The following TP63 variants were observed in gnomAD, a reference collection of about 807,000 sequenced individuals.
The protein encoded by TP63 is tumor protein p63.
In TP63, 17 loss-of-function variants were observed where a neutral mutation model predicts 82.8. That is an observed-to-expected ratio of 0.21 (90% CI 0.14 to 0.31). The LOEUF (loss-of-function observed/expected upper bound fraction) is 0.31, where lower values mean the gene tolerates loss of function less well. Ranked by LOEUF, TP63 falls within the 10% of genes least tolerant of loss-of-function variation. The pLI is 1.00. For synonymous variants in TP63, 330 were observed against 321.7 expected (o/e 1.03, Z -0.28); for missense variants, 648 against 895.3 (o/e 0.72, Z 3.52).
chr3:189,759,332 A>G (rs895500867), intron 3 of TP63, among the ~76,000 whole-genome samples: 7 of 152,150 alleles, frequency 4.6e-5, no homozygotes, highest in African/African-American at 1.7e-4. Flanking sequence ...CAATCAAGTG[A>G]TTTAGTATAT....
chr3:189,801,213 G>A (rs1726272732), intron 3 of TP63, among the ~76,000 whole-genome samples: 1 of 152,170 alleles, frequency 6.6e-6, no homozygotes, highest in South Asian at 2.1e-4. Context: ...TTATTACTAT[G>A]TACTTTCTTC....
chr3:189,685,212 G>A (rs755480184), intron 1 of TP63, among the ~76,000 whole-genome samples: 18 of 152,178 alleles, frequency 1.2e-4, no homozygotes, highest in Non-Finnish European at 1.5e-4. Context: ...GCAAGGTGGT[G>A]GCAGGAGATG....
chr3:189,759,316 G>C (rs1722401432), intron 3 of TP63, among the ~76,000 whole-genome samples: 1 of 152,208 alleles, frequency 6.6e-6, no homozygotes, highest in Admixed American at 6.5e-5. Context: ...TTGAGAACCA[G>C]TGGTACAATC....
chr3:189,766,051 G>A (rs1477607148), intron 3 of TP63, among the ~76,000 whole-genome samples: 1 of 152,076 alleles, frequency 6.6e-6, no homozygotes. Flanking sequence ...AAGAAACATT[G>A]GTGCACAGGT....
chr3:189,681,197 C>G (rs1420234825), intron 1 of TP63, among the ~76,000 whole-genome samples: 1 of 147,600 alleles, frequency 6.8e-6, no homozygotes, highest in African/African-American at 2.4e-5. Flanking sequence ...TGAATAGTCA[C>G]TTATGTATCT....
At chr3:189,788,937 T>TAAA (rs34829028) in intron 3 of TP63, among the ~76,000 whole-genome samples, 1 of 143,084 alleles carries the variant, frequency 7.0e-6, no homozygotes, top group African/African-American at 2.6e-5. Context: ...AGCGTTTTGT[T>TAAA]AAAAAAAAAA....
intron 1 of TP63, among the ~76,000 whole-genome samples, chr3:189,662,832 A>G (rs777632057): frequency 1.7e-4 from 26 of 152,046 alleles, no homozygotes; most frequent in Admixed American, 1.7e-3. Flanking sequence ...TTGTGGATAT[A>G]TGTTACAGTT....
At chr3:189,605,493 T>C in the TP63 span, among the ~76,000 whole-genome samples, 2 of 152,234 alleles carry the variant, frequency 1.3e-5, no homozygotes, top group Non-Finnish European at 2.9e-5. Context: ...AACTGTGGAA[T>C]TTACATTGCA....
chr3:189,603,279 C>T, the TP63 span, among the ~76,000 whole-genome samples: 2 of 152,088 alleles, frequency 1.3e-5, no homozygotes, highest in Non-Finnish European at 2.9e-5. Context: ...CTTATATGTG[C>T]CCAGGCCAGT....
chr3:189,724,516 A>AT (rs1234088684), intron 1 of TP63, among the ~76,000 whole-genome samples: 1 of 152,102 alleles, frequency 6.6e-6, no homozygotes. Context: ...CCATTGTGTC[A>AT]TTCTTCTGCC....
chr3:189,766,711 A>T (rs898205227), intron 3 of TP63, among the ~76,000 whole-genome samples: 3 of 152,088 alleles, frequency 2.0e-5, no homozygotes, highest in East Asian at 1.9e-4. Flanking sequence ...AATCATGTTT[A>T]AAAAAAATAC....
At chr3:189,632,773 G>A (rs1437058630) in intron 1 of TP63, among the ~76,000 whole-genome samples, 1 of 152,054 alleles carries the variant, frequency 6.6e-6, no homozygotes, top group African/African-American at 2.4e-5. Context: ...TAGGATTTAT[G>A]TTCTTGTATA....
intron 1 of TP63, among the ~76,000 whole-genome samples, chr3:189,666,732 G>T (rs1280100676): frequency 3.3e-5 from 5 of 152,092 alleles, no homozygotes; most frequent in Non-Finnish European, 5.9e-5. Context: ...GCAGTTTCTT[G>T]GAAGAAGTGA....
chr3:189,665,415 A>G (rs1475038238), intron 1 of TP63, among the ~76,000 whole-genome samples: 1 of 152,106 alleles, frequency 6.6e-6, no homozygotes, highest in Non-Finnish European at 1.5e-5. Flanking sequence ...CTGATAAGCT[A>G]CTTTTTGTCA....
chr3:189,861,003 C>G (rs1328985167), intron 4 of TP63, among the ~76,000 whole-genome samples: 4 of 152,144 alleles, frequency 2.6e-5, no homozygotes, highest in African/African-American at 9.7e-5. Context: ...CCCCTCCTAC[C>G]TTCCTCATTT....
chr3:189,683,208 A>G (rs1716127528), intron 1 of TP63, among the ~76,000 whole-genome samples: 1 of 152,202 alleles, frequency 6.6e-6, no homozygotes, highest in Admixed American at 6.5e-5. Context: ...AATATTAGAT[A>G]ACTATGTGCA....
intron 1 of TP63, among the ~76,000 whole-genome samples, chr3:189,671,837 T>C (rs1920280): frequency 0.33 from 50,332 of 151,932 alleles, 9,146 homozygotes; most frequent in Middle Eastern, 0.44. Context: ...GGGCTAAAAA[T>C]ATTGAGTTAA....
intron 4 of TP63, among the ~76,000 whole-genome samples, chr3:189,848,525 C>T (rs1162794017): frequency 6.6e-6 from 1 of 152,018 alleles, no homozygotes; most frequent in Non-Finnish European, 1.5e-5. Flanking sequence ...GGCCCCTGAT[C>T]TAATGTTCTA....
At chr3:189,887,348 T>C (rs1314839636) in intron 11 of TP63, among the ~76,000 whole-genome samples, 1 of 152,240 alleles carries the variant, frequency 6.6e-6, no homozygotes, top group East Asian at 1.9e-4. Flanking sequence ...TAACATTTTA[T>C]GTCTGTTACT....
Sources: allele counts gnomAD v4.1 joint callset (sites outside exome capture counted in the v4.1 genomes callset), GRCh38; gene constraint gnomAD v4.1.1; transcripts MANE v1.5; gene names NCBI Gene and HGNC (gene_info 2026-07-23, HGNC 2026-07-21).